The following ATP2B2 variants were observed in gnomAD, a reference collection of about 807,000 sequenced individuals.
The protein encoded by ATP2B2 is plasma membrane calcium-transporting ATPase 2.
Under a neutral mutation model 120.0 loss-of-function variants are expected in ATP2B2, and 15 were observed. That is an observed-to-expected ratio of 0.12 (90% CI 0.08 to 0.19). The LOEUF (loss-of-function observed/expected upper bound fraction) is 0.19. ATP2B2 is among the 10% of genes least tolerant of loss of function. ATP2B2 has a pLI of 1.00. For missense variants in ATP2B2, 1,045 were observed against 1,719.8 expected (o/e 0.61, Z 6.94); for synonymous variants, 694 against 700.3 (o/e 0.99, Z 0.14).
At chr3:10,361,621 C>T (rs2060902710) in intron 12 of ATP2B2, among the ~76,000 whole-genome samples, 1 of 152,246 alleles carries the variant, frequency 6.6e-6, no homozygotes. Context: ...ACATGGCTGC[C>T]CGAACACGGG....
upstream of ATP2B2, chr3:10,708,108 C>A (rs2071930881): frequency 6.9e-6 from 1 of 144,716 alleles, no homozygotes; most frequent in African/African-American, 2.5e-5. Flanking sequence ...CACCGCTGCA[C>A]TGCGCTCTGC....
At chr3:10,615,550 C>G (rs895937353) in intron 2 of ATP2B2, among the ~76,000 whole-genome samples, 1 of 152,108 alleles carries the variant, frequency 6.6e-6, no homozygotes, top group Non-Finnish European at 1.5e-5. Flanking sequence ...TGGTTTTGAC[C>G]CACAGTGATC....
chr3:10,478,000 C>T (rs1171694238), intron 1 of ATP2B2, among the ~76,000 whole-genome samples: 1 of 152,210 alleles, frequency 6.6e-6, no homozygotes, highest in East Asian at 1.9e-4. Context: ...TACAGTCCTA[C>T]TAGAATGCAA....
chr3:10,634,543 C>T (rs1169127051), intron 1 of ATP2B2, among the ~76,000 whole-genome samples: 1 of 152,228 alleles, frequency 6.6e-6, no homozygotes, highest in Non-Finnish European at 1.5e-5. Context: ...AAAAATAGCC[C>T]CAGGATCTTC....
At chr3:10,498,364 G>T (rs190302967) in intron 1 of ATP2B2, among the ~76,000 whole-genome samples, 2 of 152,358 alleles carry the variant, frequency 1.3e-5, no homozygotes, top group Admixed American at 6.5e-5. Context: ...CTGCCCATGG[G>T]CACAGATCAA....
At chr3:10,662,624 C>A (rs190818805) in intron 1 of ATP2B2, among the ~76,000 whole-genome samples, 45 of 151,796 alleles carry the variant, frequency 3.0e-4, no homozygotes, top group African/African-American at 1.1e-3. Context: ...AGAAATAGGA[C>A]CACTTTTACA....
chr3:10,371,721 A>G, intron 12 of ATP2B2, 88 bp downstream of exon 12: 2 of 1,595,082 alleles, frequency 1.3e-6, no homozygotes, highest in South Asian at 1.1e-5. Flanking sequence ...ATTTGAGACT[A>G]TGAATCACAT....
intron 1 of ATP2B2, among the ~76,000 whole-genome samples, chr3:10,476,725 T>C (rs1475364176): frequency 6.6e-6 from 1 of 152,230 alleles, no homozygotes; most frequent in East Asian, 1.9e-4. Flanking sequence ...CCTTTAACCA[T>C]AATTGATCAG....
At chr3:10,455,107 G>A (rs994299248) in intron 1 of ATP2B2, among the ~76,000 whole-genome samples, 1 of 152,228 alleles carries the variant, frequency 6.6e-6, no homozygotes, top group Non-Finnish European at 1.5e-5. Context: ...GCCTGTGGAA[G>A]CTGTGACTTT....
chr3:10,627,624 G>T (rs567308113), intron 1 of ATP2B2, among the ~76,000 whole-genome samples: 1 of 152,196 alleles, frequency 6.6e-6, no homozygotes, highest in East Asian at 1.9e-4. Flanking sequence ...GCAAGGTCGG[G>T]TGTAATAGAT....
intron 12 of ATP2B2, among the ~76,000 whole-genome samples, chr3:10,369,982 T>A (rs1262177508): frequency 6.6e-6 from 1 of 152,124 alleles, no homozygotes; most frequent in Non-Finnish European, 1.5e-5. Context: ...GAGGGGACTC[T>A]GGTGTCTGAG....
chr3:10,667,666 C>T (rs746469930), intron 1 of ATP2B2, among the ~76,000 whole-genome samples: 10 of 152,134 alleles, frequency 6.6e-5, no homozygotes, highest in African/African-American at 2.2e-4. Flanking sequence ...CTACAGAGGT[C>T]GAGGGAAAGG....
chr3:10,503,974 G>A (rs1346573118), intron 1 of ATP2B2, among the ~76,000 whole-genome samples: 1 of 152,222 alleles, frequency 6.6e-6, no homozygotes, highest in Non-Finnish European at 1.5e-5. Context: ...TGTATTTACA[G>A]GTGCTGGGGT....
At chr3:10,599,095 C>G (rs1349204742) in intron 2 of ATP2B2, among the ~76,000 whole-genome samples, 2 of 152,226 alleles carry the variant, frequency 1.3e-5, no homozygotes, top group East Asian at 3.8e-4. Context: ...CGGAAGCAAG[C>G]CCTGAATCCC....
chr3:10,544,648 C>T (rs1486965439), intron 2 of ATP2B2, among the ~76,000 whole-genome samples: 3 of 152,258 alleles, frequency 2.0e-5, no homozygotes, highest in Middle Eastern at 3.4e-3. Flanking sequence ...CCTTCACAAA[C>T]GATGCTTCTG....
At chr3:10,683,039 A>G (rs933140775) in intron 1 of ATP2B2, among the ~76,000 whole-genome samples, 1 of 152,012 alleles carries the variant, frequency 6.6e-6, no homozygotes, top group African/African-American at 2.4e-5. Context: ...ACTAATAATA[A>G]TCATGCAAAT....
intron 1 of ATP2B2, among the ~76,000 whole-genome samples, chr3:10,647,562 C>T (rs2070352590): frequency 6.6e-6 from 1 of 152,110 alleles, no homozygotes; most frequent in African/African-American, 2.4e-5. Context: ...TGAGGAGGGT[C>T]CCCTGTATCT....
chr3:10,357,915 CCT>C (rs1400078947), intron 14 of ATP2B2, among the ~76,000 whole-genome samples: 3 of 152,224 alleles, frequency 2.0e-5, no homozygotes, highest in Non-Finnish European at 4.4e-5. Flanking sequence ...CCCATCCTCC[CCT>C]GACCCCGGCA....
intron 3 of ATP2B2, among the ~76,000 whole-genome samples, chr3:10,405,169 A>G (rs934990450): frequency 6.6e-6 from 1 of 152,230 alleles, no homozygotes; most frequent in Non-Finnish European, 1.5e-5. Context: ...GGCCTGGCAC[A>G]TGATAGATAC....
Sources: allele counts gnomAD v4.1 joint callset (sites outside exome capture counted in the v4.1 genomes callset), GRCh38; gene constraint gnomAD v4.1.1; transcripts MANE v1.5; gene names NCBI Gene and HGNC (gene_info 2026-07-23, HGNC 2026-07-21).